Variants in ANKFN1 observed in about 807,000 individuals in gnomAD.
The protein encoded by ANKFN1 is ankyrin repeat and fibronectin type III domain containing 1.
A neutral mutation model predicts 108.7 loss-of-function variants in ANKFN1; 74 were observed. That is an observed-to-expected ratio of 0.68 (90% confidence interval 0.56 to 0.83). The LOEUF (loss-of-function observed/expected upper bound fraction) is 0.83. Ranked by LOEUF, ANKFN1 falls within the 40% of genes least tolerant of loss-of-function variation. The pLI is 0.00. For synonymous variants in ANKFN1, 547 were observed against 516.2 expected, an observed-to-expected ratio of 1.06 and a Z score of -0.81; for missense variants, 1,505 against 1,382.3, an observed-to-expected ratio of 1.09 and a Z score of -1.41.
rs79347714 is a variant in ANKFN1 at position 56,378,259 on chromosome 17, C to A, written c.910+3545C>A. 4.9e-4 allele frequency among the ~76,000 whole-genome samples: 75 copies of A among 152,216 alleles called. 2 individuals carry two copies. In the East Asian group the frequency reaches 0.013, roughly 26 times the overall value. On this transcript the variant is annotated intron_variant, in intron 8 of 20. Transcript: ENST00000682825. Reference sequence around the variant, plus strand: ...GGTGTATGAGGGGACATTTCAGCTTCTAAGAAGGAGAGTCTACCATTGGGA... The same window carrying A: ...GGTGTATGAGGGGACATTTCAGCTTATAAGAAGGAGAGTCTACCATTGGGA...
At chr17:56,255,921 C>A (rs887089915) in intron 3 of ANKFN1, among the ~76,000 whole-genome samples, 7 of 152,304 alleles carry the variant, frequency 4.6e-5, no homozygotes, top group African/African-American at 1.4e-4. Context: ...TGCCTGTAAT[C>A]TCAGCACTTT....
intron 18 of ANKFN1, among the ~76,000 whole-genome samples, chr17:56,490,633 G>A (rs1244073941): frequency 6.6e-6 from 1 of 152,046 alleles, no homozygotes; most frequent in African/African-American, 2.4e-5. Flanking sequence ...ATGAGAATTC[G>A]ATCATTTGGG....
At chr17:56,069,950 T>C (rs551283495) in intron 4 of ANKFN1, among the ~76,000 whole-genome samples, 7 of 152,292 alleles carry the variant, frequency 4.6e-5, no homozygotes, top group African/African-American at 1.7e-4. Context: ...CTTCCTGACA[T>C]TGCCATGGCA....
intron 4 of ANKFN1, among the ~76,000 whole-genome samples, chr17:56,071,111 T>A (rs977513600): frequency 2.0e-5 from 3 of 152,162 alleles, no homozygotes; most frequent in African/African-American, 7.2e-5. Flanking sequence ...ACAAACAAGC[T>A]TCTCTCTGAC....
chr17:56,116,176 G>A (rs1233535496), intron 4 of ANKFN1, among the ~76,000 whole-genome samples: 1 of 152,036 alleles, frequency 6.6e-6, no homozygotes, highest in East Asian at 1.9e-4. Flanking sequence ...CTGAATGCTA[G>A]ATTGCATTCA....
intron 3 of ANKFN1, among the ~76,000 whole-genome samples, chr17:56,275,869 A>G (rs1403013713): frequency 1.3e-5 from 2 of 152,122 alleles, no homozygotes; most frequent in Non-Finnish European, 2.9e-5. Flanking sequence ...TTTTATTACT[A>G]TTATTATTAT....
intron 4 of ANKFN1, 97 bp downstream of exon 4, chr17:56,326,452 G>T: frequency 2.8e-6 from 4 of 1,446,296 alleles, no homozygotes; most frequent in South Asian, 2.9e-5. Context: ...TGGCTTAAAT[G>T]ATACTTAAAA....
chr17:56,153,339 A>C, upstream of ANKFN1: 2 of 711,220 alleles, frequency 2.8e-6, no homozygotes, highest in Non-Finnish European at 4.9e-6. Flanking sequence ...TTGACCCTGC[A>C]CTGTAATCTG....
At chr17:56,382,397 G>A (rs368949758) in intron 8 of ANKFN1, among the ~76,000 whole-genome samples, 3 of 152,112 alleles carry the variant, frequency 2.0e-5, no homozygotes, top group Non-Finnish European at 4.4e-5. Context: ...AAAGACCATC[G>A]AGGCTAGGAA....
intron 4 of ANKFN1, among the ~76,000 whole-genome samples, chr17:56,115,170 A>G (rs919561432): frequency 2.0e-5 from 3 of 152,202 alleles, no homozygotes; most frequent in Admixed American, 6.5e-5. Flanking sequence ...ATATTGTGCC[A>G]TTTGTCTCAG....
chr17:56,295,615 G>A (rs568112397), intron 3 of ANKFN1, among the ~76,000 whole-genome samples: 5 of 151,558 alleles, frequency 3.3e-5, no homozygotes, highest in Admixed American at 2.0e-4. Context: ...GTGTGTGGGC[G>A]GTGTGTGTGT....
chr17:56,172,799 T>G (rs1910798111), intron 1 of ANKFN1, among the ~76,000 whole-genome samples: 1 of 152,182 alleles, frequency 6.6e-6, no homozygotes. Context: ...TTAAAGGCAC[T>G]ACCTGACAAC....
intron 4 of ANKFN1, among the ~76,000 whole-genome samples, chr17:56,338,751 C>A (rs900173970): frequency 3.9e-5 from 6 of 151,978 alleles, no homozygotes; most frequent in Admixed American, 2.6e-4. Flanking sequence ...AAGATCCCAG[C>A]AAGAATCATA....
At chr17:56,104,080 GA>G (rs1905697826) in intron 4 of ANKFN1, among the ~76,000 whole-genome samples, 10 of 152,208 alleles carry the variant, frequency 6.6e-5, no homozygotes, top group Admixed American at 6.5e-4. Flanking sequence ...TGGTTCTGAG[GA>G]TGTCTCTGTC....
intron 4 of ANKFN1, among the ~76,000 whole-genome samples, chr17:56,126,920 TTAAAA>T (rs1182422890): frequency 6.6e-6 from 1 of 152,212 alleles, no homozygotes; most frequent in Non-Finnish European, 1.5e-5. Context: ...GGGGAGACAG[TTAAAA>T]TTAAATGGGA....
intron 1 of ANKFN1, among the ~76,000 whole-genome samples, chr17:56,204,948 T>C (rs1390862436): frequency 6.6e-6 from 1 of 151,898 alleles, no homozygotes; most frequent in Admixed American, 6.6e-5. Context: ...TGGTGGCGGG[T>C]GCCTGTAGTC....
intron 8 of ANKFN1, among the ~76,000 whole-genome samples, chr17:56,389,126 C>G (rs928247656): frequency 1.3e-5 from 2 of 151,888 alleles, no homozygotes; most frequent in Admixed American, 6.6e-5. Flanking sequence ...TTTATAGCAA[C>G]TTTATACCTA....
At chr17:56,229,947 C>T (rs950578161) in intron 3 of ANKFN1, among the ~76,000 whole-genome samples, 4 of 152,076 alleles carry the variant, frequency 2.6e-5, no homozygotes, top group African/African-American at 9.7e-5. Context: ...TTAAAATCAC[C>T]AGGCAATCTT....
intron 3 of ANKFN1, among the ~76,000 whole-genome samples, chr17:56,270,769 C>A (rs971530803): frequency 6.6e-6 from 1 of 152,174 alleles, no homozygotes; most frequent in Non-Finnish European, 1.5e-5. Context: ...ATGTCCAGCT[C>A]ATTTCAGTTT....
Sources: gnomAD v4.1 joint callset for allele counts (sites outside exome capture counted in the v4.1 genomes callset) on GRCh38, gnomAD v4.1.1 for gene constraint, MANE v1.5 for transcripts, NCBI Gene and HGNC (gene_info 2026-07-23, HGNC 2026-07-21) for gene names.